WAPL: variants seen among roughly 807,000 people sequenced by gnomAD.
WAPL encodes wings apart-like protein homolog.
Under a neutral mutation model 121.0 loss-of-function variants are expected in WAPL, and 5 were observed. The ratio of observed to expected loss-of-function variants is 0.04; its 90% confidence interval spans 0.02 to 0.09. The LOEUF (loss-of-function observed/expected upper bound fraction) is 0.09. WAPL is among the 10% of genes least tolerant of loss of function. The pLI is 1.00. For missense variants in WAPL, 999 were observed against 1,410.8 expected (o/e 0.71, Z 4.68); for synonymous variants, 480 against 481.5 (o/e 1.00, Z 0.04).
In WAPL at chr10:86,490,853, G is replaced by A. The variant is rs570214804; in HGVS notation, c.1644+6348C>T. Among the ~76,000 whole-genome samples, 16 of 151,792 alleles carry A rather than the reference G, an allele frequency of 1.1e-4. No individual in the cohort carries two copies. In the South Asian group the frequency reaches 1.5e-3, roughly 14 times the overall value. On this transcript the variant is annotated intron_variant, in intron 4 of 18. Transcript: ENST00000298767. Reference sequence around the variant, plus strand: ...CGAGGCAGGTGGATCACCTGAGGTCGGGAGTTCGAGACCAGCCTGACTAAC... The same window carrying A: ...CGAGGCAGGTGGATCACCTGAGGTCAGGAGTTCGAGACCAGCCTGACTAAC...
intron 4 of WAPL, among the ~76,000 whole-genome samples, chr10:86,487,149 T>C (rs1462409775): frequency 6.6e-6 from 1 of 151,746 alleles, no homozygotes; most frequent in Non-Finnish European, 1.5e-5. Flanking sequence ...AGACAATGAA[T>C]GCTTACAAGC....
At chr10:86,489,140 G>A (rs540899612) in intron 4 of WAPL, among the ~76,000 whole-genome samples, 15 of 152,246 alleles carry the variant, frequency 9.9e-5, no homozygotes, top group East Asian at 1.9e-4. Context: ...CCTTAACTCC[G>A]CCAAAGATGT....
At position 86,469,254 on chromosome 10, in the gene WAPL, T is replaced by G. The variant is rs1841477028; in HGVS notation, c.2142+1738A>C. ...GGTTGAACCAAATAATTTTTTTTTTTTTTTTTTTTTTTTTTTGAGACGGAG... is the reference window on the plus strand; with the variant it reads ...GGTTGAACCAAATAATTTTTTTTTTGTTTTTTTTTTTTTTTTGAGACGGAG... On this transcript the variant is annotated intron_variant, in intron 8 of 18. Transcript: ENST00000298767. Among the ~76,000 whole-genome samples, 10 of 3,884 alleles carry G rather than the reference T, an allele frequency of 2.6e-3. 1 individual carries two copies. In the Non-Finnish European group the frequency reaches 0.057, roughly 22 times the overall value. 2.5% of individuals were successfully genotyped at this position (3,884 alleles called of 152,430 possible). A position where few individuals can be genotyped will look rare whatever the true frequency, so the allele number is the denominator to read the frequency against.
chr10:86,478,068 A>G (rs971120733), intron 4 of WAPL, among the ~76,000 whole-genome samples: 37 of 152,098 alleles, frequency 2.4e-4, no homozygotes, highest in African/African-American at 6.8e-4. Flanking sequence ...AAAAAAAAAA[A>G]AAAGAAAGAA....
intron 4 of WAPL, among the ~76,000 whole-genome samples, chr10:86,480,156 A>T (rs1841749885): frequency 6.6e-6 from 1 of 152,238 alleles, no homozygotes; most frequent in African/African-American, 2.4e-5. Context: ...TCTAACGAGA[A>T]GAAATAAAGC....
chr10:86,503,836 A>G (rs1016070026), intron 2 of WAPL, among the ~76,000 whole-genome samples: 1 of 152,188 alleles, frequency 6.6e-6, no homozygotes, highest in Non-Finnish European at 1.5e-5. Context: ...TAATATACCA[A>G]GAATCCTTAC....
At chr10:86,469,112 A>C (rs1187909380) in intron 8 of WAPL, among the ~76,000 whole-genome samples, 1 of 151,714 alleles carries the variant, frequency 6.6e-6, no homozygotes, top group African/African-American at 2.4e-5. Context: ...AAAATAAATA[A>C]AATAAAATAA....
At chr10:86,489,885 G>GAA (rs11429174) in intron 4 of WAPL, among the ~76,000 whole-genome samples, 62,871 of 135,288 alleles carry the variant, frequency 0.46, 15,017 homozygotes, top group South Asian at 0.66. Context: ...GTTTTGCCTT[G>GAA]AAAAAAAAAA....
chr10:86,446,600 C>CGACCACCGAGA, intron 15 of WAPL, 151 bp from the exon 16 acceptor site: 1 of 877,776 alleles, frequency 1.1e-6, no homozygotes, highest in Non-Finnish European at 1.7e-6. Context: ...AAAGCTTTTG[C>CGACCACCGAGA]TCTACACCCT....
At position 86,472,368 on chromosome 10, in the gene WAPL, C is replaced by A; in HGVS notation, c.1894-24G>T. On this transcript the variant is annotated intron_variant, in intron 6 of 18. Coordinates refer to ENST00000298767, the MANE Select transcript of WAPL (RefSeq NM_015045.5). This position sits in a 1 kb window ranked among gnomAD's most constrained non-coding sequence, Gnocchi z 4.2. Reference sequence around the variant, plus strand: ...AACTGCCAAGAAAAAAAAAGTTCACCCCTTTTTAACTAGGAACTAGCATAT... The same window carrying A: ...AACTGCCAAGAAAAAAAAAGTTCACACCTTTTTAACTAGGAACTAGCATAT... 1 of 1,585,548 alleles carries A rather than the reference C, an allele frequency of 6.3e-7. No individual in the cohort carries two copies. The highest frequency in any genetic ancestry group is 8.5e-7 in the Non-Finnish European group (1 of 1,173,386).
chr10:86,440,805 G>A (rs1849450321), intron 17 of WAPL, among the ~76,000 whole-genome samples: 1 of 148,060 alleles, frequency 6.8e-6, no homozygotes, highest in African/African-American at 2.5e-5. Context: ...TTGTATTTAG[G>A]TTAGTTAAAA....
Position 86,467,472 on chromosome 10 carries a change from A to G in WAPL, c.2177T>C (p.Ile726Thr). 6.2e-7 allele frequency: 1 copy of G among 1,614,022 alleles called. No individual in the cohort carries two copies. Among genetic ancestry groups the G allele is most frequent in the Non-Finnish European group, 8.5e-7 (1 of 1,180,002 alleles). The change falls in exon 9 of 19, where the codon ATA becomes ACA. Residue 726 changes from isoleucine (I) to threonine (T), a missense_variant. Ile to Thr is a moderately conservative substitution (Grantham distance 89). Transcript: ENST00000298767. ...LSLCTAALMY[I>T]LSRDRLNMDL... is the part of the protein sequence containing the mutation. ...CATGTTCAAACGATCTCTACTCAGT[A>G]TATACATGAGGGCAGCTGTACAGAG...
At chr10:86,450,200 T>C (rs1007662892) in intron 15 of WAPL, among the ~76,000 whole-genome samples, 1 of 152,208 alleles carries the variant, frequency 6.6e-6, no homozygotes, top group Non-Finnish European at 1.5e-5. Flanking sequence ...AAATAAAAAG[T>C]TTAAAAACAA....
intron 4 of WAPL, among the ~76,000 whole-genome samples, chr10:86,494,435 CAA>C (rs1255695410): frequency 2.0e-5 from 3 of 152,106 alleles, no homozygotes; most frequent in Admixed American, 2.0e-4. Flanking sequence ...TTCTCGAAAA[CAA>C]AGAGTAAATC....
chr10:86,471,444 T>G (rs759841912), intron 7 of WAPL, among the ~76,000 whole-genome samples: 4 of 152,148 alleles, frequency 2.6e-5, no homozygotes, highest in Admixed American at 6.5e-5. Context: ...TTGGATATAC[T>G]CCAAATGACT....
chr10:86,520,766 T>TAAAAAAAAAAAAAAAAAAAAAAA (rs10574217), intron 1 of WAPL, among the ~76,000 whole-genome samples: 1 of 98,100 alleles, frequency 1.0e-5, no homozygotes. Flanking sequence ...CGCTGTGATT[T>TAAAAAAAAAAAAAAAAAAAAAAA]AAAAAAAAAA....
intron 12 of WAPL, among the ~76,000 whole-genome samples, chr10:86,457,424 G>A (rs1054322481): frequency 3.3e-5 from 5 of 151,782 alleles, no homozygotes; most frequent in African/African-American, 9.7e-5. Flanking sequence ...AGGCCAAGGC[G>A]GGTGGATCAC....
intron 16 of WAPL, among the ~76,000 whole-genome samples, chr10:86,445,427 A>T (rs1849583963): frequency 6.6e-6 from 1 of 152,168 alleles, no homozygotes; most frequent in Admixed American, 6.6e-5. Context: ...ACAAATGGCT[A>T]TTTTGCAGAA....
At chr10:86,462,721 C>CAA (rs59998538) in intron 9 of WAPL, among the ~76,000 whole-genome samples, 31,420 of 80,248 alleles carry the variant, frequency 0.39, 5,873 homozygotes, top group Non-Finnish European at 0.45. Flanking sequence ...GATCCCGTCT[C>CAA]AAAAAAAAAA....
Sources: allele counts gnomAD v4.1 joint callset (sites outside exome capture counted in the v4.1 genomes callset), GRCh38; gene constraint gnomAD v4.1.1; non-coding constraint Gnocchi (gnomAD v3.1); transcripts MANE v1.5; gene names NCBI Gene and HGNC (gene_info 2026-07-23, HGNC 2026-07-21).